Variants in RARB observed in about 807,000 individuals in gnomAD.
RARB encodes the protein HBV-activated protein.
A neutral mutation model predicts 51.9 loss-of-function variants in RARB; 17 were observed. The observed-to-expected ratio is 0.33, with a 90% CI of 0.22 to 0.49. The LOEUF (loss-of-function observed/expected upper bound fraction) is 0.49, where lower values mean the gene tolerates loss of function less well. Among genes scored for constraint, RARB ranks in the 20% least tolerant of loss-of-function variants. The pLI, the probability that RARB is intolerant of heterozygous loss-of-function variation, is 0.99. For missense variants in RARB, 369 were observed against 550.8 expected (o/e 0.67, Z 3.30); for synonymous variants, 215 against 195.4 (o/e 1.10, Z -0.84).
chr3:25,196,601 G>A (rs1284408465), intron 5 of RARB, among the ~76,000 whole-genome samples: 1 of 152,126 alleles, frequency 6.6e-6, no homozygotes, highest in Non-Finnish European at 1.5e-5. Context: ...TAGGACGGCT[G>A]GGTCAAATGG....
intron 1 of RARB, among the ~76,000 whole-genome samples, chr3:25,444,926 G>A (rs186851747): frequency 1.6e-4 from 25 of 152,120 alleles, no homozygotes; most frequent in African/African-American, 6.0e-4. Context: ...CAGTTAGCTG[G>A]AGAAATGAAT....
chr3:25,380,036 G>T (rs1330212136), intron 5 of RARB, among the ~76,000 whole-genome samples: 2 of 152,142 alleles, frequency 1.3e-5, no homozygotes, highest in African/African-American at 4.8e-5. Context: ...GACTGGATAA[G>T]AACTCGTTTT....
chr3:25,281,880 G>A (rs12497184), intron 5 of RARB, among the ~76,000 whole-genome samples: 115,092 of 152,138 alleles, frequency 0.76, 43,808 homozygotes, highest in Admixed American at 0.78. Context: ...TGTTTGGAAG[G>A]GGCAGTAGTT....
intron 4 of RARB, among the ~76,000 whole-genome samples, chr3:25,170,463 A>G (rs1352537098): frequency 1.3e-5 from 2 of 152,116 alleles, no homozygotes; most frequent in Admixed American, 1.3e-4. Flanking sequence ...GGCCTGGAGA[A>G]TTTGCATTTT....
intron 5 of RARB, among the ~76,000 whole-genome samples, chr3:25,288,000 G>A (rs765777700): frequency 6.6e-6 from 1 of 152,016 alleles, no homozygotes; most frequent in Admixed American, 6.6e-5. Flanking sequence ...TTTCCACAAA[G>A]CTGGTAGATT....
At chr3:24,902,011 AACAT>A (rs1703618726) in intron 2 of RARB, among the ~76,000 whole-genome samples, 1 of 151,286 alleles carries the variant, frequency 6.6e-6, no homozygotes, top group Non-Finnish European at 1.5e-5. Flanking sequence ...AAATATATAT[AACAT>A]ACATATATAA....
Position 24,907,676 on chromosome 3 carries a change from C to A in RARB, c.-380+48924C>A, listed in dbSNP as rs561045013. 2.6e-5 allele frequency among the ~76,000 whole-genome samples: 4 copies of A among 152,076 alleles called. No individual in the cohort carries two copies. The East Asian group carries it at 5.8e-4, about 22-fold the overall frequency. On this transcript the variant is annotated intron_variant, in intron 2 of 11. Coordinates refer to the RARB transcript ENST00000383772. ...GAAATTTGCTTCTCTTCTGAATGAA[C>A]AATCTTTGAACACTTTTACCCAAAG... is the stretch of plus-strand genomic sequence containing the variant.
chr3:25,048,973 C>T (rs969296861), intron 2 of RARB, among the ~76,000 whole-genome samples: 11 of 152,058 alleles, frequency 7.2e-5, no homozygotes, highest in Non-Finnish European at 1.2e-4. Context: ...AGGATGGTCT[C>T]GATCTCCTGA....
chr3:25,021,361 T>A (rs1697632406), intron 2 of RARB, among the ~76,000 whole-genome samples: 1 of 152,192 alleles, frequency 6.6e-6, no homozygotes, highest in Non-Finnish European at 1.5e-5. Context: ...GTCTTGTCAC[T>A]TGAAAGTCAG....
chr3:25,359,085 A>G (rs1297379167), intron 5 of RARB, among the ~76,000 whole-genome samples: 2 of 152,086 alleles, frequency 1.3e-5, no homozygotes, highest in Non-Finnish European at 2.9e-5. Flanking sequence ...CTCTGGTAGA[A>G]TTTAGCTGTG....
Position 24,941,402 on chromosome 3 carries a change from C to T in RARB, c.-380+82650C>T. On this transcript the variant is annotated intron_variant, in intron 2 of 11. Transcript: ENST00000383772. Reference sequence around the variant, plus strand: ...TTTTTTTTTTTGAGACAGAGTCTCACTTCTTCACCCAGGCTGGAGTGCAAT... The same window carrying T: ...TTTTTTTTTTTGAGACAGAGTCTCATTTCTTCACCCAGGCTGGAGTGCAAT... Among the ~76,000 whole-genome samples the T allele has an allele frequency of 1.3e-5, 2 of 149,120 alleles. 1 individual carries two copies. Among genetic ancestry groups the T allele is most frequent in the Non-Finnish European group, 3.0e-5 (2 of 67,726 alleles).
chr3:25,021,603 A>C (rs1258495109), intron 2 of RARB, among the ~76,000 whole-genome samples: 1 of 152,172 alleles, frequency 6.6e-6, no homozygotes, highest in African/African-American at 2.4e-5. Flanking sequence ...GGATAGGAAA[A>C]ATAAACAATT....
chr3:25,071,829 ATAT>A lies in RARB; in HGVS notation c.-328+11658_-328+11660del, dbSNP rs1698772739. Among the ~76,000 whole-genome samples, 4 of 152,304 alleles carry A rather than the reference ATAT, an allele frequency of 2.6e-5. No individual in the cohort carries two copies. In the South Asian group the frequency reaches 8.3e-4, roughly 32 times the overall value. On this transcript the variant is annotated intron_variant, in intron 3 of 11. Transcript: ENST00000383772. ...ACAGTTGAACATGCCCAGTGTGCTA[ATAT>A]TATTGTCATGCTGTTGTCAAGCTTT...
At chr3:25,232,973 C>CT (rs71061205) in intron 5 of RARB, among the ~76,000 whole-genome samples, 20,241 of 118,738 alleles carry the variant, frequency 0.17, 1,882 homozygotes, top group South Asian at 0.24. Context: ...TTTTCTTTTT[C>CT]TTTTTTTTTT....
At chr3:24,949,819 G>A (rs1205039471) in intron 2 of RARB, among the ~76,000 whole-genome samples, 1 of 152,150 alleles carries the variant, frequency 6.6e-6, no homozygotes, top group East Asian at 1.9e-4. Context: ...ATGGTCACAA[G>A]ATGAATTTGA....
chr3:25,546,215 C>T (rs1002283315), intron 3 of RARB, among the ~76,000 whole-genome samples: 4 of 152,098 alleles, frequency 2.6e-5, no homozygotes, highest in Non-Finnish European at 4.4e-5. Context: ...GGAAGAGATC[C>T]TGTTCACATG....
At chr3:25,398,231 G>A (rs754333177) in intron 5 of RARB, among the ~76,000 whole-genome samples, 1 of 151,938 alleles carries the variant, frequency 6.6e-6, no homozygotes, top group African/African-American at 2.4e-5. Flanking sequence ...AATGAGACAG[G>A]CTCCTGAACT....
At chr3:25,378,299 C>G (rs1706523938) in intron 5 of RARB, among the ~76,000 whole-genome samples, 1 of 152,112 alleles carries the variant, frequency 6.6e-6, no homozygotes, top group African/African-American at 2.4e-5. Flanking sequence ...ATTTATGGCT[C>G]TACAGTCACC....
intron 2 of RARB, among the ~76,000 whole-genome samples, chr3:25,058,486 A>C (rs1467002842): frequency 6.6e-6 from 1 of 150,562 alleles, no homozygotes; most frequent in Non-Finnish European, 1.5e-5. Context: ...TACTAAATCA[A>C]CCAGTAAGAT....
Sources: gnomAD v4.1 joint callset for allele counts (sites outside exome capture counted in the v4.1 genomes callset) on GRCh38, gnomAD v4.1.1 for gene constraint, MANE v1.5 for transcripts, NCBI Gene and HGNC (gene_info 2026-07-23, HGNC 2026-07-21) for gene names.